The following GALNT14 variants were observed in gnomAD, a reference collection of about 807,000 sequenced individuals.
GALNT14 encodes the protein polypeptide N-acetylgalactosaminyltransferase 14, also known as UDP-GalNAc:polypeptide N-acetylgalactosaminyltransferase 14.
A neutral mutation model predicts 77.5 loss-of-function variants in GALNT14; 60 were observed. The ratio of observed to expected loss-of-function variants is 0.77; its 90% CI spans 0.63 to 0.96. The LOEUF (loss-of-function observed/expected upper bound fraction) is 0.96. GALNT14 is among the 40% of genes least tolerant of loss of function. GALNT14 has a pLI of 0.00. For synonymous variants in GALNT14, 280 were observed against 281.7 expected (o/e 0.99, Z 0.06); for missense variants, 710 against 731.0 (o/e 0.97, Z 0.33).
the GALNT14 span, among the ~76,000 whole-genome samples, chr2:30,887,467 G>T: frequency 6.6e-6 from 1 of 152,072 alleles, no homozygotes; most frequent in South Asian, 2.1e-4. Flanking sequence ...TTTTTCCAGT[G>T]ATTAATAATG....
chr2:30,955,865 C>A (rs777999934), intron 5 of GALNT14, 47 bp downstream of exon 5: 1 of 1,611,940 alleles, frequency 6.2e-7, no homozygotes, highest in Non-Finnish European at 8.5e-7. Context: ...CACCTTCGAC[C>A]CCCCGACACT....
At position 30,955,739 on chromosome 2, in the gene GALNT14, C is replaced by T; in HGVS notation, c.533G>A (p.Gly178Asp). The part of the protein sequence containing the change: ...VKCLRNNERQ[G>D]LVRSRIRGAD... ...GCCCCGAATCCGGGACCGGACCAGA[C>T]CTGCAGTCAGGAACAAATGACGAAG... Residue 178 changes from glycine (G) to aspartate (D), a missense_variant and splice_region_variant, in exon 6 of 15, where the codon GGT (glycine) becomes GAT (aspartate). Physicochemically the swap from Gly to Asp is moderately conservative, Grantham distance 94. Coordinates refer to ENST00000349752, the MANE Select transcript of GALNT14 (RefSeq NM_024572.4). 1.2e-6 allele frequency: 2 copies of T among 1,614,028 alleles called. No individual in the cohort carries two copies. Among genetic ancestry groups the T allele is most frequent in the Non-Finnish European group, 1.7e-6 (2 of 1,179,994 alleles).
intron 1 of GALNT14, among the ~76,000 whole-genome samples, chr2:31,125,443 G>GGC (rs759598176): frequency 2.9e-5 from 4 of 136,586 alleles, no homozygotes; most frequent in Non-Finnish European, 6.3e-5. Flanking sequence ...CCTTACACGT[G>GGC]GCGCTCAATG....
At chr2:30,906,385 A>G (rs1664143012), downstream of GALNT14, among the ~76,000 whole-genome samples, 1 of 149,694 alleles carries the variant, frequency 6.7e-6, no homozygotes, top group East Asian at 2.0e-4. Flanking sequence ...AATGGAAAAC[A>G]AAAAAAAGGC....
chr2:30,964,969 T>G (rs550061015), intron 3 of GALNT14, among the ~76,000 whole-genome samples: 1 of 152,162 alleles, frequency 6.6e-6, no homozygotes, highest in East Asian at 1.9e-4. Flanking sequence ...CTCTGACCCA[T>G]GTTTCATCAT....
chr2:31,007,873 CCT>C (rs1670779620), intron 1 of GALNT14, among the ~76,000 whole-genome samples: 1 of 152,110 alleles, frequency 6.6e-6, no homozygotes, highest in African/African-American at 2.4e-5. Flanking sequence ...TATCAAAACC[CCT>C]GTCACCCCTT....
intron 1 of GALNT14, among the ~76,000 whole-genome samples, chr2:31,049,084 G>A (rs13419637): frequency 3.3e-5 from 5 of 152,136 alleles, no homozygotes; most frequent in Admixed American, 1.3e-4. Context: ...TCGAGGTCCC[G>A]TAACGTATAT....
At position 30,942,387 on chromosome 2, in the gene GALNT14, C is replaced by T. The variant is rs186262570; in HGVS notation, c.828-83G>A. Reference sequence around the variant, plus strand: ...ATTCTTCGGCCCCTTGAGTCTGAAACACCCATTTCCCATTTGGGGAAAGAA... The same window carrying T: ...ATTCTTCGGCCCCTTGAGTCTGAAATACCCATTTCCCATTTGGGGAAAGAA... On this transcript the variant is annotated intron_variant, in intron 8 of 14. Transcript: ENST00000349752. The T allele has an allele frequency of 1.8e-5, 17 of 971,354 alleles. No individual in the cohort carries two copies. The East Asian group carries it at 4.0e-4, about 23-fold the overall frequency. The allele number at this position is 971,354 out of a possible 1,614,324, so 60.2% of individuals were successfully genotyped here.
chr2:30,916,526 G>T (rs1162761991), intron 13 of GALNT14, among the ~76,000 whole-genome samples: 1 of 152,230 alleles, frequency 6.6e-6, no homozygotes, highest in African/African-American at 2.4e-5. Context: ...CTGAGGAGGA[G>T]GGGAGTCACC....
intron 1 of GALNT14, among the ~76,000 whole-genome samples, chr2:31,033,670 A>C (rs1225970745): frequency 1.3e-5 from 2 of 151,920 alleles, no homozygotes; most frequent in East Asian, 3.9e-4. Flanking sequence ...GCCTGCCTGC[A>C]TCCCTAACCG....
At chr2:31,106,388 C>T (rs1487358891) in intron 1 of GALNT14, among the ~76,000 whole-genome samples, 1 of 152,188 alleles carries the variant, frequency 6.6e-6, no homozygotes, top group Admixed American at 6.6e-5. Context: ...CATTTTCTCT[C>T]TAATCTTTAT....
intron 2 of GALNT14, among the ~76,000 whole-genome samples, chr2:30,982,754 A>C (rs1181923842): frequency 6.6e-6 from 1 of 152,204 alleles, no homozygotes; most frequent in Non-Finnish European, 1.5e-5. Flanking sequence ...CTTTGGAAAA[A>C]TTCTTCAAGA....
chr2:30,908,972 T>G (rs1236183658), downstream of GALNT14, among the ~76,000 whole-genome samples: 1 of 151,824 alleles, frequency 6.6e-6, no homozygotes, highest in South Asian at 2.1e-4. Flanking sequence ...GATTTGCTAT[T>G]TAATAAATGG....
intron 1 of GALNT14, among the ~76,000 whole-genome samples, chr2:31,056,552 A>C (rs1160762177): frequency 6.6e-6 from 1 of 152,204 alleles, no homozygotes; most frequent in Non-Finnish European, 1.5e-5. Flanking sequence ...TCAATGTACC[A>C]GGGTCTAAAA....
chr2:30,993,196 G>C (rs566259443), intron 1 of GALNT14, among the ~76,000 whole-genome samples, 189 bp from the exon 2 acceptor site: 1 of 152,310 alleles, frequency 6.6e-6, no homozygotes, highest in East Asian at 1.9e-4. Context: ...AACGATGGCT[G>C]CCACCATTTT....
At chr2:31,024,706 G>A (rs1158478890) in intron 1 of GALNT14, among the ~76,000 whole-genome samples, 1 of 152,194 alleles carries the variant, frequency 6.6e-6, no homozygotes, top group East Asian at 1.9e-4. Context: ...TTGGCCTCGT[G>A]AGGACAGGAA....
chr2:31,080,797 G>A (rs1265338248), intron 1 of GALNT14, among the ~76,000 whole-genome samples: 1 of 152,170 alleles, frequency 6.6e-6, no homozygotes, highest in Non-Finnish European at 1.5e-5. Context: ...AGAACTATGT[G>A]AATAGGGGAA....
chr2:30,964,801 T>C (rs941376444), intron 3 of GALNT14, among the ~76,000 whole-genome samples: 1 of 152,140 alleles, frequency 6.6e-6, no homozygotes, highest in Non-Finnish European at 1.5e-5. Context: ...CAGGTGGAGC[T>C]GAAGATTTGG....
At chr2:31,044,790 C>G (rs1393822487) in intron 1 of GALNT14, among the ~76,000 whole-genome samples, 1 of 152,008 alleles carries the variant, frequency 6.6e-6, no homozygotes, top group African/African-American at 2.4e-5. Context: ...TGGTGCACAC[C>G]TGTAGTCCCA....
Sources: allele counts gnomAD v4.1 joint callset (sites outside exome capture counted in the v4.1 genomes callset), GRCh38; gene constraint gnomAD v4.1.1; transcripts MANE v1.5; gene names NCBI Gene and HGNC (gene_info 2026-07-23, HGNC 2026-07-21).